Variants in TJP1 observed in about 807,000 individuals in gnomAD.
TJP1 encodes the protein tight junction protein 1.
Under a neutral mutation model 194.2 loss-of-function variants are expected in TJP1, and 43 were observed. That is an observed-to-expected ratio of 0.22 (90% CI 0.17 to 0.29). The LOEUF is 0.29. Among genes scored for constraint, TJP1 ranks in the 10% least tolerant of loss-of-function variants. The pLI is 1.00. For missense variants in TJP1, 1,971 were observed against 2,185.7 expected (o/e 0.90, Z 1.96); for synonymous variants, 801 against 779.0 (o/e 1.03, Z -0.47).
At chr15:29,907,186 G>C (rs534989813) in intron 2 of TJP1, among the ~76,000 whole-genome samples, 7 of 152,166 alleles carry the variant, frequency 4.6e-5, no homozygotes, top group African/African-American at 1.7e-4. Context: ...GGGGCAGGCA[G>C]ATCATGAGGT....
At chr15:29,726,611 A>G in intron 17 of TJP1, 132 bp from the exon 18 acceptor site, 2 of 1,139,856 alleles carry the variant, frequency 1.8e-6, no homozygotes, top group South Asian at 1.5e-5. Flanking sequence ...TGAAATTTCT[A>G]TTTTGCTACT....
intron 23 of TJP1, among the ~76,000 whole-genome samples, chr15:29,715,070 T>A (rs1228086900): frequency 6.6e-6 from 1 of 152,214 alleles, no homozygotes; most frequent in Non-Finnish European, 1.5e-5. Flanking sequence ...GTTACTGTGA[T>A]AACTGTGTAA....
chr15:29,706,401 C>G (rs2041901949), intron 25 of TJP1, among the ~76,000 whole-genome samples: 1 of 152,086 alleles, frequency 6.6e-6, no homozygotes, highest in Non-Finnish European at 1.5e-5. Context: ...TGAAGCATCC[C>G]TAACCTGAAA....
intron 2 of TJP1, among the ~76,000 whole-genome samples, chr15:29,932,944 T>C (rs751149895): frequency 4.1e-4 from 63 of 152,238 alleles, no homozygotes; most frequent in Non-Finnish European, 8.4e-4. Flanking sequence ...ATTTGAACTG[T>C]TTTTATGATT....
At chr15:29,770,290 T>C (rs544961483) in intron 4 of TJP1, among the ~76,000 whole-genome samples, 2 of 151,796 alleles carry the variant, frequency 1.3e-5, no homozygotes, top group South Asian at 4.2e-4. Context: ...CTACTAAAAA[T>C]ACAAAATACG....
At chr15:29,821,948 G>T in intron 1 of TJP1, 54 bp downstream of exon 1, 4 of 1,212,922 alleles carry the variant, frequency 3.3e-6, no homozygotes, top group Non-Finnish European at 4.1e-6. Context: ...GATGCCGGTG[G>T]GCGGGCGGCG....
intron 8 of TJP1, among the ~76,000 whole-genome samples, chr15:29,745,284 T>C (rs1314314865): frequency 2.4e-5 from 3 of 124,184 alleles, no homozygotes; most frequent in Non-Finnish European, 3.2e-5. Flanking sequence ...AATCACGAGC[T>C]AATGGTCCCA....
chr15:29,879,777 TCTCAC>T (rs1465219778), intron 2 of TJP1, among the ~76,000 whole-genome samples: 3 of 152,098 alleles, frequency 2.0e-5, no homozygotes, highest in African/African-American at 7.2e-5. Flanking sequence ...AGTGGTGTGA[TCTCAC>T]CTCACTGTAA....
intron 2 of TJP1, 92 bp downstream of exon 2, chr15:29,800,554 C>G: frequency 1.6e-6 from 2 of 1,289,000 alleles, no homozygotes; most frequent in South Asian, 2.7e-5. Flanking sequence ...CCTCCTCCCT[C>G]TGGCTTCCTG....
intron 17 of TJP1, 132 bp downstream of exon 17, chr15:29,726,649 G>A: frequency 1.8e-6 from 2 of 1,120,808 alleles, no homozygotes; most frequent in Middle Eastern, 2.1e-4. Flanking sequence ...CAAACAGCAG[G>A]TGTTAACACA....
intron 2 of TJP1, among the ~76,000 whole-genome samples, chr15:29,922,188 A>T (rs1364416967): frequency 2.6e-5 from 4 of 152,072 alleles, no homozygotes; most frequent in African/African-American, 9.7e-5. Flanking sequence ...AAAGGAACTC[A>T]GACTTCTTCA....
At chr15:29,957,630 G>C (rs1279891604) in intron 1 of TJP1, among the ~76,000 whole-genome samples, 1 of 152,144 alleles carries the variant, frequency 6.6e-6, no homozygotes, top group Non-Finnish European at 1.5e-5. Flanking sequence ...CCATAACATA[G>C]ATGTAATATA....
Position 29,741,388 on chromosome 15 carries a change from G to A in TJP1, c.1199C>T (p.Pro400Leu). Residue 400 changes from proline to leucine, a missense_variant, in exon 10 of 28, where the codon CCT (proline) becomes CTT (leucine). By Grantham distance (98) the Pro-to-Leu change is moderately conservative. Coordinates refer to ENST00000614355, the MANE Select transcript of TJP1 (RefSeq NM_001330239.4). ...AQVGQPDVDL[P>L]VSPSDGVLPN... Reference sequence around the variant, plus strand: ...TAGGACACCATCAGATGGACTGACAGGTAAATCCACATCTGGTTGCCCAAC... The same window carrying A: ...TAGGACACCATCAGATGGACTGACAAGTAAATCCACATCTGGTTGCCCAAC... The A allele has an allele frequency of 6.2e-7, 1 of 1,602,172 alleles. No individual in the cohort carries two copies. The highest frequency in any genetic ancestry group is 1.1e-5 in the South Asian group (1 of 88,098).
At chr15:29,808,688 C>T (rs540214030) in intron 1 of TJP1, among the ~76,000 whole-genome samples, 81 of 152,236 alleles carry the variant, frequency 5.3e-4, no homozygotes, top group African/African-American at 1.9e-3. Context: ...CTTTCCTATA[C>T]AAACAGTACC....
chr15:29,907,689 C>A (rs2053862503), intron 2 of TJP1, among the ~76,000 whole-genome samples: 1 of 152,102 alleles, frequency 6.6e-6, no homozygotes, highest in Non-Finnish European at 1.5e-5. Context: ...ACCTCTTCAA[C>A]TAAGCTATCA....
intron 2 of TJP1, among the ~76,000 whole-genome samples, chr15:29,862,647 C>CTTTT (rs11305773): frequency 2.0e-5 from 2 of 101,306 alleles, no homozygotes; most frequent in Non-Finnish European, 3.8e-5. Flanking sequence ...TTTTTCTTTT[C>CTTTT]TTTTTTTTTT....
chr15:29,927,134 A>G (rs2054551381), intron 2 of TJP1, among the ~76,000 whole-genome samples: 2 of 152,224 alleles, frequency 1.3e-5, no homozygotes, highest in Admixed American at 1.3e-4. Context: ...AGCTTGGCCA[A>G]CATGGTGAAA....
At chr15:29,705,829 C>A in intron 25 of TJP1, 84 bp from the exon 26 acceptor site, 1 of 1,182,802 alleles carries the variant, frequency 8.5e-7, no homozygotes. Flanking sequence ...TACGTGCTTT[C>A]ACTTTTATTT....
chr15:29,737,541 C>T lies in TJP1; in HGVS notation c.1257-127G>A, dbSNP rs539922402. On this transcript the variant is annotated intron_variant, in intron 10 of 27. Coordinates refer to ENST00000614355, the MANE Select transcript of TJP1 (RefSeq NM_001330239.4). ...CATTTCTAAAACTTCTCTCATACCA[C>T]TATTTTACTAAATAAAATTTAGTGT... 9.9e-5 allele frequency: 92 copies of T among 925,784 alleles called. 1 individual carries two copies. The South Asian group carries it at 1.9e-3, about 19-fold the overall frequency. The allele number at this position is 925,784 out of a possible 1,614,324, so 57.3% of individuals were successfully genotyped here.
Sources: gnomAD v4.1 joint callset for allele counts (sites outside exome capture counted in the v4.1 genomes callset) on GRCh38, gnomAD v4.1.1 for gene constraint, MANE v1.5 for transcripts, NCBI Gene and HGNC (gene_info 2026-07-23, HGNC 2026-07-21) for gene names.